The following GTPBP4 variants were observed in gnomAD, a reference collection of about 807,000 sequenced individuals.
GTPBP4 encodes GTP binding protein 4.
A neutral mutation model predicts 81.7 loss-of-function variants in GTPBP4; 15 were observed. That is an observed-to-expected ratio of 0.18 (90% CI 0.12 to 0.28). GTPBP4 has a LOEUF of 0.28. GTPBP4 is among the 10% of genes least tolerant of loss of function. GTPBP4 has a pLI of 1.00. For missense variants in GTPBP4, 847 were observed against 793.8 expected, an observed-to-expected ratio of 1.07 and a Z score of -0.81; for synonymous variants, 272 against 274.6, an observed-to-expected ratio of 0.99 and a Z score of 0.09.
intron 10 of GTPBP4, chr10:1,007,946 T>G: frequency 1.9e-6 from 1 of 518,336 alleles, no homozygotes. Context: ...TTACAAAGGT[T>G]GGATTCTTGT....
intron 3 of GTPBP4, 27 bp from the exon 4 acceptor site, chr10:996,079 A>AG: frequency 6.9e-7 from 1 of 1,442,100 alleles, no homozygotes; most frequent in Non-Finnish European, 9.1e-7. Context: ...CGAAAGTGGA[A>AG]AAAATAATAT....
intron 16 of GTPBP4, 93 bp downstream of exon 16, chr10:1,015,989 G>A (rs1831985364): frequency 8.7e-7 from 1 of 1,146,452 alleles, no homozygotes; most frequent in African/African-American, 1.5e-5. Context: ...GCCATTTGCA[G>A]GAACTATGGC....
rs1831554854 is a variant in GTPBP4, at chr10:997,455, A to G, written c.561+147A>G. ...TGGGATTCAGGACGGCCTTGGTAAT[A>G]ATTTCGGCCTCCGAGTTGGTCCTTG... On this transcript the variant is annotated intron_variant, in intron 5 of 16. Transcript: ENST00000360803. 7.3e-6 allele frequency: 5 copies of G among 683,246 alleles called. No individual in the cohort carries two copies. The South Asian group carries it at 8.0e-5, about 11-fold the overall frequency. 42.3% of individuals were successfully genotyped at this position (683,246 alleles called of 1,614,324 possible).
At chr10:1,014,015 C>T (rs761043108) in intron 14 of GTPBP4, among the ~76,000 whole-genome samples, 3 of 152,246 alleles carry the variant, frequency 2.0e-5, no homozygotes, top group Non-Finnish European at 2.9e-5. Context: ...AATGGACAGA[C>T]GTGGAGGATA....
At chr10:991,251 C>T (rs7095047) in intron 1 of GTPBP4, among the ~76,000 whole-genome samples, 149,543 of 152,352 alleles carry the variant, frequency 0.98, 73,454 homozygotes, top group Middle Eastern at 1. Context: ...GTTCATTATC[C>T]TCAGCACCCA....
rs749433349 is a variant in GTPBP4 at position 1,019,520 on chromosome 10, C to T, written c.*2293C>T. The T allele has an allele frequency of 5.0e-6, 8 of 1,610,958 alleles. No individual in the cohort carries two copies. Among genetic ancestry groups the T allele is most frequent in the Admixed American group, 3.3e-5 (2 of 59,908 alleles). Reference sequence around the variant, plus strand: ...GCTGACTCGACCTCCCTGCCTCTCACACTCTGTGTATTTTGTGAAGCTCCA... The same window carrying T: ...GCTGACTCGACCTCCCTGCCTCTCATACTCTGTGTATTTTGTGAAGCTCCA... On this transcript the variant is annotated 3_prime_UTR_variant, in exon 17 of 17. Transcript: ENST00000360803.
At chr10:1,014,966 C>T (rs1408462579) in intron 15 of GTPBP4, among the ~76,000 whole-genome samples, 1 of 152,058 alleles carries the variant, frequency 6.6e-6, no homozygotes, top group African/African-American at 2.4e-5. Context: ...GATGTGCAGT[C>T]TGCAGTTTCC....
chr10:998,082 T>A (rs777756858), intron 5 of GTPBP4, among the ~76,000 whole-genome samples: 5 of 152,054 alleles, frequency 3.3e-5, no homozygotes, highest in Non-Finnish European at 7.4e-5. Context: ...ATTAAAAAAA[T>A]TTTTTTCTTT....
chr10:1,000,025 G>A (rs569945343), intron 6 of GTPBP4, among the ~76,000 whole-genome samples: 3 of 152,042 alleles, frequency 2.0e-5, no homozygotes, highest in Non-Finnish European at 4.4e-5. Context: ...AAATTGTGAA[G>A]AAAGTAATTC....
At chr10:1,011,670 C>T (rs1454052675) in intron 13 of GTPBP4, among the ~76,000 whole-genome samples, 2 of 152,256 alleles carry the variant, frequency 1.3e-5, no homozygotes, top group Non-Finnish European at 1.5e-5. Context: ...CCTGTGCCTC[C>T]ATAGCAGATT....
chr10:1,007,644 A>G (rs916384330), intron 10 of GTPBP4, among the ~76,000 whole-genome samples: 5 of 152,196 alleles, frequency 3.3e-5, no homozygotes, highest in Admixed American at 2.0e-4. Flanking sequence ...CTGTGTCTTC[A>G]TGTTTTACTG....
intron 11 of GTPBP4, 76 bp from the exon 12 acceptor site, chr10:1,009,453 C>CAAGTGACAAGGGGCA: frequency 1.0e-6 from 1 of 961,024 alleles, no homozygotes; most frequent in Non-Finnish European, 1.7e-6. Context: ...AAGATTGTTT[C>CAAGTGACAAGGGGCA]AAGTGACAAG....
chr10:1,000,539 A>AC, intron 6 of GTPBP4, 138 bp from the exon 7 acceptor site: 1 of 438,624 alleles, frequency 2.3e-6, no homozygotes, highest in African/African-American at 2.1e-5. Context: ...ACCCAGCCCT[A>AC]CTTTTTTTTT....
chr10:1,010,056 G>T (rs1694935450), intron 12 of GTPBP4, among the ~76,000 whole-genome samples: 1 of 151,674 alleles, frequency 6.6e-6, no homozygotes, highest in Non-Finnish European at 1.5e-5. Context: ...TGTTGTTTTG[G>T]GATGGTGGGG....
chr10:995,786 T>C (rs1589023562), intron 2 of GTPBP4, 143 bp from the exon 3 acceptor site: 2 of 604,024 alleles, frequency 3.3e-6, no homozygotes, highest in East Asian at 5.7e-5. Context: ...GAGGACTAAA[T>C]AGACAGGGCC....
intron 1 of GTPBP4, among the ~76,000 whole-genome samples, chr10:989,462 C>A (rs1042198932): frequency 7.9e-5 from 12 of 152,058 alleles, no homozygotes; most frequent in African/African-American, 2.9e-4. Context: ...AGTGAACATT[C>A]GATTTGGGTC....
intron 15 of GTPBP4, 143 bp downstream of exon 15, chr10:1,014,455 G>C (rs1330465151): frequency 1.7e-6 from 1 of 574,330 alleles, no homozygotes. Context: ...AGGGGTTCGA[G>C]ACCAGCCTGG....
At position 996,280 on chromosome 10, in the gene GTPBP4, C is replaced by T. The variant is rs761857389; in HGVS notation, c.460+38C>T. On this transcript the variant is annotated intron_variant, in intron 4 of 16. Transcript: ENST00000360803. ...CATCCGCGGGAACCGTGCTAGCATC[C>T]TGCTGAGAGGATGCGTCCTTGTTGA... 1.6e-5 allele frequency: 25 copies of T among 1,574,768 alleles called. 1 individual carries two copies. In the Admixed American group the frequency reaches 2.2e-4, roughly 14 times the overall value.
At chr10:1,016,365 CGT>C (rs898185177) in intron 16 of GTPBP4, among the ~76,000 whole-genome samples, 1 of 152,230 alleles carries the variant, frequency 6.6e-6, no homozygotes, top group African/African-American at 2.4e-5. Context: ...TTATTTGTAG[CGT>C]CTTTTGGCAA....
Sources: allele counts gnomAD v4.1 joint callset (sites outside exome capture counted in the v4.1 genomes callset), GRCh38; gene constraint gnomAD v4.1.1; transcripts MANE v1.5; gene names NCBI Gene and HGNC (gene_info 2026-07-23, HGNC 2026-07-21).